ARFGEF3: variants seen among roughly 807,000 people sequenced by gnomAD.
ARFGEF3 encodes ARFGEF family member 3.
A neutral mutation model predicts 221.7 loss-of-function variants in ARFGEF3; 96 were observed. The observed-to-expected ratio is 0.43, with a 90% CI of 0.37 to 0.51. The LOEUF (loss-of-function observed/expected upper bound fraction) is 0.51, where lower values mean the gene tolerates loss of function less well. ARFGEF3 is among the 20% of genes least tolerant of loss of function. The probability of loss-of-function intolerance (pLI) is 0.00; values close to 1 mark genes in which losing one functional copy is unlikely to be tolerated. For synonymous variants in ARFGEF3, 1,145 were observed against 1,126.8 expected (o/e 1.02, Z -0.32); for missense variants, 2,410 against 2,789.9 (o/e 0.86, Z 3.07).
In ARFGEF3 at chr6:138,292,018, C is replaced by T. The variant is rs1375282379; in HGVS notation, c.3333C>T (p.Ala1111=). 5 of 1,513,884 alleles carry T rather than the reference C, an allele frequency of 3.3e-6. No individual in the cohort carries two copies. In the South Asian group the frequency reaches 5.0e-5, roughly 15 times the overall value. 93.8% of individuals were successfully genotyped at this position (1,513,884 alleles called of 1,614,324 possible). A position where few individuals can be genotyped will look rare whatever the true frequency, so the allele number is the denominator to read the frequency against. ...GCCTCATGAGCGGGAGCAGCGCGGCCAAGGTGGTGCTCACCCTCTCCACGC... is the reference window on the plus strand; with the variant it reads ...GCCTCATGAGCGGGAGCAGCGCGGCTAAGGTGGTGCTCACCCTCTCCACGC... ...GGSLMSGSSA[A]KVVLTLSTQA... Residue 1111 remains alanine, a synonymous_variant, in exon 19 of 34, where the codon GCC becomes GCT. Transcript: ENST00000251691.
intron 29 of ARFGEF3, among the ~76,000 whole-genome samples, chr6:138,323,350 A>G (rs1780068609): frequency 6.6e-6 from 1 of 152,114 alleles, no homozygotes; most frequent in African/African-American, 2.4e-5. Flanking sequence ...GGTGTCCCAC[A>G]CCTATAATAT....
chr6:138,291,700 C>T lies in ARFGEF3; in HGVS notation c.3048-33C>T, dbSNP rs1779406609. On this transcript the variant is annotated intron_variant, in intron 18 of 33. Coordinates refer to ENST00000251691, the MANE Select transcript of ARFGEF3 (RefSeq NM_020340.5). This position sits in a 1 kb window ranked among gnomAD's most constrained non-coding sequence, Gnocchi z 4.5. ...ATGGAGCTGCCGGGGTGAGCTGCAG[C>T]GCCTAACAGCTGCTTGTCTGTGCTC... 8.5e-6 allele frequency: 11 copies of T among 1,297,482 alleles called. No homozygotes were observed. In the Middle Eastern group the frequency reaches 1.0e-3, roughly 118 times the overall value. 80.4% of individuals were successfully genotyped at this position (1,297,482 alleles called of 1,614,324 possible).
intron 10 of ARFGEF3, among the ~76,000 whole-genome samples, chr6:138,261,047 G>T (rs1477276765): frequency 2.0e-5 from 3 of 152,240 alleles, no homozygotes; most frequent in Non-Finnish European, 4.4e-5. Context: ...GCTCCATGTA[G>T]CTTTAGAAAC....
chr6:138,287,977 T>G (rs1779327524), intron 17 of ARFGEF3, among the ~76,000 whole-genome samples: 1 of 152,182 alleles, frequency 6.6e-6, no homozygotes, highest in African/African-American at 2.4e-5. Context: ...AGTCTCACAA[T>G]TTTACTTAAG....
chr6:138,265,132 T>C (rs1394753427), intron 12 of ARFGEF3, among the ~76,000 whole-genome samples: 2 of 152,152 alleles, frequency 1.3e-5, no homozygotes, highest in South Asian at 2.1e-4. Context: ...CTCGATCTCC[T>C]GACCTTGTGA....
At chr6:138,260,451 A>G (rs2114586161) in intron 10 of ARFGEF3, among the ~76,000 whole-genome samples, 1 of 152,338 alleles carries the variant, frequency 6.6e-6, no homozygotes. Flanking sequence ...CATTTTCTAT[A>G]GACTTCTACC....
At chr6:138,227,180 C>G (rs1172481077) in intron 4 of ARFGEF3, among the ~76,000 whole-genome samples, 1 of 141,508 alleles carries the variant, frequency 7.1e-6, no homozygotes, top group Non-Finnish European at 1.5e-5. Flanking sequence ...TCCTCAGCTT[C>G]TGTGGACTGT....
At position 138,338,026 on chromosome 6, in the gene ARFGEF3, G is replaced by GTGT. The variant is rs1435309268; in HGVS notation, c.*1542_*1544dup. 5.9e-5 allele frequency: 9 copies of GTGT among 152,174 alleles called. No homozygotes were observed. Among genetic ancestry groups the GTGT allele is most frequent in the Non-Finnish European group, 1.2e-4 (8 of 68,026 alleles). The allele number at this position is 152,174 out of a possible 1,614,324, so 9.4% of individuals were successfully genotyped here. A position where few individuals can be genotyped will look rare whatever the true frequency, so the allele number is the denominator to read the frequency against. ...TACCTTAGAGGTTAAGAGGAAGGCA[G>GTGT]TGTTCTGACTTCTTTAGGTGATCTG... On this transcript the variant is annotated 3_prime_UTR_variant, in exon 34 of 34. Coordinates refer to ENST00000251691, the MANE Select transcript of ARFGEF3 (RefSeq NM_020340.5).
intron 4 of ARFGEF3, among the ~76,000 whole-genome samples, chr6:138,224,073 T>G (rs1054695845): frequency 2.0e-5 from 3 of 152,202 alleles, no homozygotes; most frequent in African/African-American, 7.2e-5. Flanking sequence ...GCCATGGAGC[T>G]GCTCTCTCAT....
At chr6:138,226,994 G>A (rs1043337056) in intron 4 of ARFGEF3, among the ~76,000 whole-genome samples, 1 of 151,566 alleles carries the variant, frequency 6.6e-6, no homozygotes, top group Non-Finnish European at 1.5e-5. Flanking sequence ...CTCCGTTAAT[G>A]TGCTTTACTT....
At chr6:138,210,392 T>C (rs1777702952) in intron 4 of ARFGEF3, among the ~76,000 whole-genome samples, 1 of 152,180 alleles carries the variant, frequency 6.6e-6, no homozygotes, top group Non-Finnish European at 1.5e-5. Context: ...AAAGCAATAA[T>C]AATAATGTTT....
In ARFGEF3 at chr6:138,308,849, G is replaced by A. The variant is rs762636651; in HGVS notation, c.4084G>A (p.Val1362Ile). 13 of 1,613,878 alleles carry A rather than the reference G, an allele frequency of 8.1e-6. No homozygotes were observed. Among genetic ancestry groups the A allele is most frequent in the Non-Finnish European group, 1.1e-5 (13 of 1,179,888 alleles). The change falls in exon 24 of 34, where the codon GTC becomes ATC. Residue 1362 changes from valine (V) to isoleucine (I), a missense_variant. Around this residue, in one of 5 missense-constraint regions of ARFGEF3, gnomAD observed 723 missense variants for 991.9 expected, o/e 0.73. Transcript: ENST00000251691. ...CTACATCATGTGCCTTATGAAGTTT[G>A]TCAAAGGACTGGGTAAGCAGAACCC... ...TSYIMCLMKF[V>I]KGLGEVDCKE... is the part of the protein sequence containing the mutation.
At chr6:138,327,931 C>A in intron 31 of ARFGEF3, 90 bp from the exon 32 acceptor site, 2 of 1,047,790 alleles carry the variant, frequency 1.9e-6, no homozygotes, top group Non-Finnish European at 1.4e-6. Context: ...ATAGATGAGG[C>A]TCAACTTGCC....
At chr6:138,239,744 C>T (rs9321652) in intron 6 of ARFGEF3, among the ~76,000 whole-genome samples, 33,551 of 151,614 alleles carry the variant, frequency 0.22, 6,026 homozygotes, top group African/African-American at 0.48. Context: ...CTTATTTAAC[C>T]TCAACTATTT....
intron 2 of ARFGEF3, among the ~76,000 whole-genome samples, chr6:138,184,384 C>T (rs1314068905): frequency 1.3e-5 from 2 of 152,056 alleles, no homozygotes; most frequent in African/African-American, 2.4e-5. Context: ...AATGAATTAA[C>T]ATTCACAACA....
At chr6:138,321,876 A>G (rs1214607521) in intron 29 of ARFGEF3, among the ~76,000 whole-genome samples, 6 of 151,814 alleles carry the variant, frequency 4.0e-5, no homozygotes, top group Admixed American at 1.3e-4. Context: ...GACTGGGAAG[A>G]AAAAGAGCTT....
intron 10 of ARFGEF3, among the ~76,000 whole-genome samples, 169 bp downstream of exon 10, chr6:138,255,938 A>T (rs1176536148): frequency 6.6e-6 from 1 of 152,140 alleles, no homozygotes; most frequent in Non-Finnish European, 1.5e-5. Flanking sequence ...GTGTACATGT[A>T]TTGCGAGCTG....
chr6:138,317,154 G>A, intron 26 of ARFGEF3, 97 bp from the exon 27 acceptor site: 1 of 1,319,166 alleles, frequency 7.6e-7, no homozygotes, highest in Non-Finnish European at 1.1e-6. Flanking sequence ...CGTCTGTATA[G>A]CACTTGGCAG....
At chr6:138,317,553 G>T (rs1264778543) in intron 27 of ARFGEF3, among the ~76,000 whole-genome samples, 174 bp downstream of exon 27, 3 of 152,186 alleles carry the variant, frequency 2.0e-5, no homozygotes, top group Admixed American at 2.0e-4. Context: ...TTAAGGTATG[G>T]CCTGTGTATT....
Sources: allele counts gnomAD v4.1 joint callset (sites outside exome capture counted in the v4.1 genomes callset), GRCh38; gene constraint gnomAD v4.1.1; regional missense constraint gnomAD v4.1.1; non-coding constraint Gnocchi (gnomAD v3.1); transcripts MANE v1.5; gene names NCBI Gene and HGNC (gene_info 2026-07-23, HGNC 2026-07-21).